Variants in CFAP299 observed in about 807,000 individuals in gnomAD.
CFAP299 encodes the protein cilia and flagella associated protein 299.
Under a neutral mutation model 27.0 loss-of-function variants are expected in CFAP299, and 21 were observed. That is an observed-to-expected ratio of 0.78 (90% CI 0.55 to 1.12). CFAP299 has a LOEUF of 1.12. Ranked by LOEUF, CFAP299 falls within the 50% of genes most tolerant of loss-of-function variation. CFAP299 has a pLI of 0.00. For synonymous variants in CFAP299, 104 were observed against 98.1 expected (o/e 1.06, Z -0.36); for missense variants, 310 against 276.6 (o/e 1.12, Z -0.86).
chr4:80,397,871 C>A (rs1009439560), intron 2 of CFAP299, among the ~76,000 whole-genome samples: 4 of 151,920 alleles, frequency 2.6e-5, no homozygotes, highest in African/African-American at 9.7e-5. Context: ...AAAGGGTATT[C>A]GATAAGGAAA....
intron 3 of CFAP299, among the ~76,000 whole-genome samples, chr4:80,706,590 G>A (rs1721833931): frequency 6.6e-6 from 1 of 151,866 alleles, no homozygotes; most frequent in Admixed American, 6.6e-5. Flanking sequence ...AAATTTTGTA[G>A]ATACATTAAA....
chr4:80,637,690 C>G (rs1360290324), intron 3 of CFAP299, among the ~76,000 whole-genome samples: 1 of 152,040 alleles, frequency 6.6e-6, no homozygotes, highest in Non-Finnish European at 1.5e-5. Context: ...TAGTCTCATT[C>G]CATAGAAAAG....
At chr4:80,755,426 T>C (rs1008764986) in intron 3 of CFAP299, among the ~76,000 whole-genome samples, 2 of 152,154 alleles carry the variant, frequency 1.3e-5, no homozygotes, top group East Asian at 1.9e-4. Flanking sequence ...CTTTCAATTA[T>C]AAATTATGAC....
intron 2 of CFAP299, among the ~76,000 whole-genome samples, chr4:80,526,187 G>A (rs905877710): frequency 6.6e-6 from 1 of 152,162 alleles, no homozygotes; most frequent in East Asian, 1.9e-4. Flanking sequence ...TCTCAAGGCT[G>A]CAATGAAATA....
chr4:80,888,667 A>G (rs967568725), intron 4 of CFAP299, among the ~76,000 whole-genome samples: 1 of 152,092 alleles, frequency 6.6e-6, no homozygotes, highest in African/African-American at 2.4e-5. Context: ...TGAAGAATAC[A>G]CATTCTTCTC....
chr4:80,359,999 A>G (rs1723462839), intron 1 of CFAP299, among the ~76,000 whole-genome samples: 1 of 151,776 alleles, frequency 6.6e-6, no homozygotes, highest in African/African-American at 2.4e-5. Flanking sequence ...AATGGGTTTT[A>G]TTTTTCTTTT....
chr4:80,383,564 A>T (rs1378859068), intron 2 of CFAP299, among the ~76,000 whole-genome samples: 2 of 152,156 alleles, frequency 1.3e-5, no homozygotes, highest in East Asian at 3.9e-4. Flanking sequence ...GTTTTACAGA[A>T]AAAGAGCAAC....
intron 3 of CFAP299, among the ~76,000 whole-genome samples, chr4:80,867,810 T>G (rs985893537): frequency 2.0e-5 from 3 of 152,152 alleles, no homozygotes; most frequent in Admixed American, 2.0e-4. Flanking sequence ...GGTACTGGAG[T>G]TCAAGGTGTC....
chr4:80,352,782 T>C (rs531648977), intron 1 of CFAP299, among the ~76,000 whole-genome samples: 1 of 152,028 alleles, frequency 6.6e-6, no homozygotes, highest in African/African-American at 2.4e-5. Context: ...AATTCCAAAA[T>C]ATTTGGATAA....
Position 80,469,031 on chromosome 4 carries a change from G to A in CFAP299, c.242+106147G>A, listed in dbSNP as rs544599232. 2.0e-5 allele frequency among the ~76,000 whole-genome samples: 3 copies of A among 152,152 alleles called. No homozygotes were observed. In the East Asian group the frequency reaches 5.8e-4, roughly 29 times the overall value. Reference sequence around the variant, plus strand: ...TGCCAAATAAATCTGAGAAAAAAAAGCAATCGGCAAAAATACTCTACTAAA... The same window carrying A: ...TGCCAAATAAATCTGAGAAAAAAAAACAATCGGCAAAAATACTCTACTAAA... On this transcript the variant is annotated intron_variant, in intron 2 of 5. Transcript: ENST00000358105.
intron 3 of CFAP299, among the ~76,000 whole-genome samples, chr4:80,831,705 A>G (rs1560434166): frequency 6.6e-6 from 1 of 152,172 alleles, no homozygotes; most frequent in Non-Finnish European, 1.5e-5. Flanking sequence ...CTGCATTCAT[A>G]TTAAAGGATA....
chr4:80,799,174 A>G (rs561597484), intron 3 of CFAP299, among the ~76,000 whole-genome samples: 28 of 121,292 alleles, frequency 2.3e-4, no homozygotes, highest in African/African-American at 7.6e-4. Flanking sequence ...ATATTTATAT[A>G]TATTGTATAA....
At chr4:80,736,295 C>T (rs1723866407) in intron 3 of CFAP299, among the ~76,000 whole-genome samples, 1 of 152,110 alleles carries the variant, frequency 6.6e-6, no homozygotes, top group African/African-American at 2.4e-5. Context: ...CAGCTTTCTA[C>T]ATATGGCTAG....
chr4:80,512,244 G>GTGTGTT (rs5859728), intron 2 of CFAP299, among the ~76,000 whole-genome samples: 1 of 149,802 alleles, frequency 6.7e-6, no homozygotes, highest in African/African-American at 2.5e-5. Flanking sequence ...GTGTGTGTGT[G>GTGTGTT]CATGTGTGTG....
At chr4:80,699,396 G>A (rs980612520) in intron 3 of CFAP299, among the ~76,000 whole-genome samples, 5 of 151,968 alleles carry the variant, frequency 3.3e-5, no homozygotes, top group Admixed American at 1.3e-4. Flanking sequence ...CATAACTCCC[G>A]ATCAGCTGTC....
chr4:80,617,320 G>C (rs1200274140), intron 3 of CFAP299, among the ~76,000 whole-genome samples: 1 of 152,120 alleles, frequency 6.6e-6, no homozygotes, highest in African/African-American at 2.4e-5. Context: ...AATTGTGTTA[G>C]ATGTTATCAT....
At chr4:80,770,928 A>C (rs1235948931) in intron 3 of CFAP299, among the ~76,000 whole-genome samples, 4 of 152,152 alleles carry the variant, frequency 2.6e-5, no homozygotes, top group Non-Finnish European at 5.9e-5. Context: ...AAGCATTCCC[A>C]TGATTTCTTA....
In CFAP299 at chr4:80,560,947, G is replaced by A. The variant is rs1578600385; in HGVS notation, c.243-22146G>A. On this transcript the variant is annotated intron_variant, in intron 2 of 5. Transcript: ENST00000358105. Reference sequence around the variant, plus strand: ...GGCTTTGCCACTGGCTGATTGTAGAGCTCTGAGGTCTTGAGTGAACATAGG... The same window carrying A: ...GGCTTTGCCACTGGCTGATTGTAGAACTCTGAGGTCTTGAGTGAACATAGG... Among the ~76,000 whole-genome samples the A allele has an allele frequency of 2.0e-5, 3 of 152,232 alleles. No individual in the cohort carries two copies. In the South Asian group the frequency reaches 6.2e-4, roughly 32 times the overall value.
chr4:80,727,062 G>A (rs1213370038), intron 3 of CFAP299, among the ~76,000 whole-genome samples: 2 of 152,038 alleles, frequency 1.3e-5, no homozygotes, highest in Non-Finnish European at 2.9e-5. Context: ...AGATCAGTGG[G>A]AGTCAGGGCA....
Sources: allele counts gnomAD v4.1 joint callset (sites outside exome capture counted in the v4.1 genomes callset), GRCh38; gene constraint gnomAD v4.1.1; transcripts MANE v1.5; gene names NCBI Gene and HGNC (gene_info 2026-07-23, HGNC 2026-07-21).